The following PEMT variants were observed in gnomAD, a reference collection of about 807,000 sequenced individuals.
The protein encoded by PEMT is phospholipid methyltransferase.
Under a neutral mutation model 27.4 loss-of-function variants are expected in PEMT, and 23 were observed. The observed-to-expected ratio is 0.84, with a 90% CI of 0.60 to 1.19. PEMT has a LOEUF of 1.19. Ranked by LOEUF, PEMT falls within the 50% of genes most tolerant of loss-of-function variation. The probability of loss-of-function intolerance (pLI) is 0.00; values close to 1 mark genes in which losing one functional copy is unlikely to be tolerated. For missense variants in PEMT, 307 were observed against 310.1 expected (o/e 0.99, Z 0.07); for synonymous variants, 137 against 139.1 (o/e 0.98, Z 0.11).
In PEMT at chr17:17,549,451, G is replaced by A. The variant is rs146348667; in HGVS notation, c.205-27056C>T. On this transcript the variant is annotated intron_variant, in intron 2 of 6. Coordinates refer to ENST00000255389, the MANE Select transcript of PEMT (RefSeq NM_148172.3). ...GATCCACCCGCCTCAGCCTCCCAAA[G>A]TGCTGGGATCACAGGTGTGACTTTT... is the stretch of plus-strand genomic sequence containing the variant. 4.2e-3 allele frequency among the ~76,000 whole-genome samples: 642 copies of A among 152,296 alleles called. 4 individuals carry two copies. Among genetic ancestry groups the A allele is most frequent in the African/African-American group, 0.014 (577 of 41,552 alleles).
intron 2 of PEMT, among the ~76,000 whole-genome samples, chr17:17,549,412 A>T (rs994313322): frequency 6.6e-6 from 1 of 151,462 alleles, no homozygotes; most frequent in Non-Finnish European, 1.5e-5. Context: ...CTGGTCTCAA[A>T]CTCCTGACCT....
At chr17:17,508,798 A>G (rs1352798838) in intron 5 of PEMT, 2 of 465,524 alleles carry the variant, frequency 4.3e-6, no homozygotes, top group South Asian at 3.1e-5. Context: ...CCCTCATGGC[A>G]CGGGGCCCCC....
rs1275127787 is a variant in PEMT, at chr17:17,509,473, T to C, written c.539A>G (p.Tyr180Cys). The change falls in exon 5 of 7, where the codon TAC becomes TGC. Residue 180 changes from tyrosine to cysteine, a missense_variant. Tyr to Cys is a radical substitution (Grantham distance 194). Coordinates refer to ENST00000255389, the MANE Select transcript of PEMT (RefSeq NM_148172.3). Reference protein sequence around the residue: ...FPFNILDNPMYWGSTANYLGW... With the variant: ...FPFNILDNPMCWGSTANYLGW... ...CAGGTAGTTGGCTGTGCTTCCCCAG[T>C]ACATGGGGTTGTCCAGGATGTTGAA... 4 of 1,613,844 alleles carry C rather than the reference T, an allele frequency of 2.5e-6. No homozygotes were observed. Among genetic ancestry groups the C allele is most frequent in the Non-Finnish European group, 3.4e-6 (4 of 1,179,742 alleles).
intron 1 of PEMT, among the ~76,000 whole-genome samples, chr17:17,585,699 T>C (rs1912205814): frequency 6.6e-6 from 1 of 152,238 alleles, no homozygotes; most frequent in Non-Finnish European, 1.5e-5. Context: ...GAAAATGTTT[T>C]GTGGACCACT....
Position 17,509,468 on chromosome 17 carries a change from C to T in PEMT, c.544G>A (p.Gly182Arg), listed in dbSNP as rs542555509. Residue 182 changes from glycine to arginine, a missense_variant, in exon 5 of 7, where the codon GGA (glycine) becomes AGA (arginine). Gly to Arg is a moderately radical substitution (Grantham distance 125, BLOSUM62 -2). Coordinates refer to ENST00000255389, the MANE Select transcript of PEMT (RefSeq NM_148172.3). Reference sequence around the variant, plus strand: ...CAGCCCAGGTAGTTGGCTGTGCTTCCCCAGTACATGGGGTTGTCCAGGATG... The same window carrying T: ...CAGCCCAGGTAGTTGGCTGTGCTTCTCCAGTACATGGGGTTGTCCAGGATG... ...FNILDNPMYW[G>R]STANYLGWAI... 127 of 1,613,576 alleles carry T rather than the reference C, an allele frequency of 7.9e-5. No individual in the cohort carries two copies. The highest frequency in any genetic ancestry group is 1.0e-4 in the Non-Finnish European group (118 of 1,179,668).
At chr17:17,525,339 G>A (rs572763180) in intron 2 of PEMT, among the ~76,000 whole-genome samples, 10 of 152,198 alleles carry the variant, frequency 6.6e-5, no homozygotes, top group South Asian at 2.1e-4. Flanking sequence ...GCCTCCCAGC[G>A]AACTGGTATT....
At chr17:17,524,186 C>A (rs368577350) in intron 2 of PEMT, among the ~76,000 whole-genome samples, 4 of 152,330 alleles carry the variant, frequency 2.6e-5, no homozygotes, top group Admixed American at 6.5e-5. Flanking sequence ...GCGTTAGCAG[C>A]ACTGTCCACG....
intron 2 of PEMT, among the ~76,000 whole-genome samples, chr17:17,552,557 T>G (rs58956930): frequency 0.06 from 9,103 of 152,118 alleles, 378 homozygotes; most frequent in East Asian, 0.14. Context: ...ATCAGGGCGG[T>G]GGGGAGTCCA....
intron 1 of PEMT, among the ~76,000 whole-genome samples, chr17:17,579,872 C>G (rs964244703): frequency 1.3e-5 from 2 of 152,226 alleles, no homozygotes; most frequent in African/African-American, 4.8e-5. Flanking sequence ...GAAGAAGGAA[C>G]CCAGGGAAGC....
intron 2 of PEMT, among the ~76,000 whole-genome samples, chr17:17,571,541 G>C (rs556267202): frequency 6.6e-6 from 1 of 152,014 alleles, no homozygotes; most frequent in African/African-American, 2.4e-5. Context: ...GGGAAGGGAC[G>C]GAGTGGGTGC....
At chr17:17,576,312 G>A (rs531498761) in intron 2 of PEMT, among the ~76,000 whole-genome samples, 4 of 152,250 alleles carry the variant, frequency 2.6e-5, no homozygotes, top group African/African-American at 4.8e-5. Flanking sequence ...CCCACCCCTC[G>A]GTGCTGGTGC....
At chr17:17,533,795 A>G (rs997828181) in intron 2 of PEMT, among the ~76,000 whole-genome samples, 1 of 150,876 alleles carries the variant, frequency 6.6e-6, no homozygotes, top group African/African-American at 2.4e-5. Context: ...CAGTGGTGCG[A>G]TCTCGGCTCA....
At chr17:17,558,352 CA>C (rs1318245397) in intron 2 of PEMT, among the ~76,000 whole-genome samples, 1 of 151,694 alleles carries the variant, frequency 6.6e-6, no homozygotes, top group Non-Finnish European at 1.5e-5. Context: ...ACTACAAATA[CA>C]AAAAATTAGC....
At chr17:17,550,018 T>A (rs1030904750) in intron 2 of PEMT, among the ~76,000 whole-genome samples, 2 of 152,182 alleles carry the variant, frequency 1.3e-5, no homozygotes, top group African/African-American at 4.8e-5. Flanking sequence ...CGGAAATGGA[T>A]CCTTCTTCAC....
intron 6 of PEMT, 148 bp from the exon 7 acceptor site, chr17:17,505,996 T>G (rs1393078118): frequency 3.0e-6 from 4 of 1,344,992 alleles, no homozygotes; most frequent in Admixed American, 2.8e-5. Context: ...AACACTGACT[T>G]GGAGCCTTCA....
At chr17:17,577,610 A>G (rs1373682285) in intron 1 of PEMT, 1 of 687,870 alleles carries the variant, frequency 1.5e-6, no homozygotes, top group Non-Finnish European at 1.8e-6. Flanking sequence ...ATCATCTTGC[A>G]TGAAAACGTC....
At chr17:17,566,071 A>C (rs1361565232) in intron 2 of PEMT, among the ~76,000 whole-genome samples, 1 of 152,228 alleles carries the variant, frequency 6.6e-6, no homozygotes, top group East Asian at 1.9e-4. Context: ...TTGGGTCACC[A>C]AGTAGGTTAG....
intron 2 of PEMT, among the ~76,000 whole-genome samples, chr17:17,553,613 T>C (rs1909826049): frequency 6.6e-6 from 1 of 152,188 alleles, no homozygotes; most frequent in Admixed American, 6.5e-5. Context: ...GTCCACCCAA[T>C]GGCCAGCACT....
At chr17:17,528,019 G>C (rs1907812628) in intron 2 of PEMT, among the ~76,000 whole-genome samples, 1 of 152,234 alleles carries the variant, frequency 6.6e-6, no homozygotes, top group Admixed American at 6.5e-5. Flanking sequence ...TGGGGGTCTA[G>C]AATGCCCCAA....
Sources: gnomAD v4.1 joint callset for allele counts (sites outside exome capture counted in the v4.1 genomes callset) on GRCh38, gnomAD v4.1.1 for gene constraint, MANE v1.5 for transcripts, NCBI Gene and HGNC (gene_info 2026-07-23, HGNC 2026-07-21) for gene names.